Variants in SDK1 observed in about 807,000 individuals in gnomAD.
SDK1 encodes protein sidekick-1.
Under a neutral mutation model 245.5 loss-of-function variants are expected in SDK1, and 157 were observed. That is an observed-to-expected ratio of 0.64 (90% CI 0.56 to 0.73). SDK1 has a LOEUF of 0.73. SDK1 is among the 30% of genes least tolerant of loss of function. The pLI is 0.00. For missense variants in SDK1, 3,583 were observed against 3,002.3 expected (o/e 1.19, Z -4.52); for synonymous variants, 1,647 against 1,278.5 (o/e 1.29, Z -6.15).
intron 40 of SDK1, among the ~76,000 whole-genome samples, chr7:4,224,607 A>C (rs1351082830): frequency 6.6e-6 from 1 of 152,206 alleles, no homozygotes; most frequent in African/African-American, 2.4e-5. Flanking sequence ...TATCACCAGT[A>C]GAATTGGTTT....
intron 1 of SDK1, among the ~76,000 whole-genome samples, chr7:3,524,171 C>T (rs1483148056): frequency 6.6e-6 from 1 of 152,168 alleles, no homozygotes; most frequent in South Asian, 2.1e-4. Context: ...GAAGAAACAC[C>T]CGCATTAATT....
intron 1 of SDK1, among the ~76,000 whole-genome samples, chr7:3,441,666 A>G (rs1015571598): frequency 2.0e-5 from 3 of 152,176 alleles, no homozygotes; most frequent in Non-Finnish European, 4.4e-5. Flanking sequence ...TTTCCTTTTT[A>G]GAAACAGCTT....
At chr7:3,532,017 C>T (rs1175556765) in intron 1 of SDK1, among the ~76,000 whole-genome samples, 2 of 152,174 alleles carry the variant, frequency 1.3e-5, no homozygotes, top group African/African-American at 4.8e-5. Flanking sequence ...TTCCAGGTAA[C>T]TGAATCTTAA....
intron 1 of SDK1, among the ~76,000 whole-genome samples, chr7:3,469,179 T>C (rs534358477): frequency 2.0e-5 from 3 of 152,144 alleles, no homozygotes; most frequent in African/African-American, 7.2e-5. Context: ...TCCCAGCACC[T>C]TGGGAGGCCA....
chr7:4,193,058 ATATAT>A (rs1187355305), intron 35 of SDK1, among the ~76,000 whole-genome samples: 3 of 139,962 alleles, frequency 2.1e-5, no homozygotes. Context: ...AATATATAAT[ATATAT>A]TATAATATAT....
At chr7:4,139,527 G>GTGTGTATATA (rs1779358417) in intron 28 of SDK1, among the ~76,000 whole-genome samples, 1 of 5,592 alleles carries the variant, frequency 1.8e-4, no homozygotes. Context: ...GTGTGTGTAT[G>GTGTGTATATA]TGTGTGTGTA....
intron 4 of SDK1, among the ~76,000 whole-genome samples, chr7:3,770,131 G>C (rs1186576660): frequency 6.6e-6 from 1 of 152,012 alleles, no homozygotes; most frequent in Non-Finnish European, 1.5e-5. Context: ...GATCCTTGCG[G>C]TGATGGAACT....
intron 1 of SDK1, among the ~76,000 whole-genome samples, chr7:3,604,144 C>A (rs562357279): frequency 7.2e-5 from 11 of 152,230 alleles, no homozygotes; most frequent in African/African-American, 2.6e-4. Flanking sequence ...CTAAAATTCT[C>A]TTTTTTGGTT....
intron 1 of SDK1, among the ~76,000 whole-genome samples, chr7:3,514,621 G>A (rs1303429035): frequency 2.6e-5 from 4 of 152,156 alleles, no homozygotes; most frequent in Non-Finnish European, 5.9e-5. Flanking sequence ...CAGCATGCAC[G>A]AAGGAGGAGA....
At chr7:4,005,860 G>A (rs1345118061) in intron 14 of SDK1, among the ~76,000 whole-genome samples, 4 of 152,054 alleles carry the variant, frequency 2.6e-5, no homozygotes, top group African/African-American at 4.8e-5. Flanking sequence ...GCGAAATCCC[G>A]TCTCTACAAA....
chr7:3,347,273 A>C (rs558202794), intron 1 of SDK1, among the ~76,000 whole-genome samples: 3 of 150,116 alleles, frequency 2.0e-5, no homozygotes, highest in East Asian at 3.9e-4. Flanking sequence ...AACACTTGGC[A>C]CATATCTTCT....
At chr7:3,569,885 T>A (rs182871529) in intron 1 of SDK1, among the ~76,000 whole-genome samples, 1 of 152,238 alleles carries the variant, frequency 6.6e-6, no homozygotes, top group African/African-American at 2.4e-5. Flanking sequence ...ATGGTTAATG[T>A]GTCCACTTGG....
At chr7:3,316,288 C>A (rs533377744) in intron 1 of SDK1, among the ~76,000 whole-genome samples, 1 of 152,234 alleles carries the variant, frequency 6.6e-6, no homozygotes, top group South Asian at 2.1e-4. Flanking sequence ...TACCTTGTCT[C>A]AGTTCAGATT....
intron 4 of SDK1, among the ~76,000 whole-genome samples, chr7:3,740,668 T>C (rs549699984): frequency 1.1e-4 from 16 of 152,316 alleles, no homozygotes; most frequent in Non-Finnish European, 2.1e-4. Flanking sequence ...CCTGTGGAAC[T>C]AGTGGAAGGG....
intron 14 of SDK1, among the ~76,000 whole-genome samples, chr7:3,987,904 G>A (rs6956208): frequency 0.25 from 38,427 of 151,788 alleles, 4,982 homozygotes; most frequent in African/African-American, 0.28. Flanking sequence ...CGTGTGCCCC[G>A]CCGTGTGCAC....
At chr7:4,063,977 T>A (rs1779711149) in intron 19 of SDK1, among the ~76,000 whole-genome samples, 1 of 152,054 alleles carries the variant, frequency 6.6e-6, no homozygotes, top group African/African-American at 2.4e-5. Context: ...ATAAAACTAC[T>A]AAAATAAAAC....
rs76501808 is a variant in SDK1, at chr7:4,113,612, G to C, written c.3585+173G>C. Among the ~76,000 whole-genome samples, 685 of 152,310 alleles carry C rather than the reference G, an allele frequency of 4.5e-3. 3 individuals carry two copies. Among genetic ancestry groups the C allele is most frequent in the African/African-American group, 0.016 (669 of 41,556 alleles). On this transcript the variant is annotated intron_variant, in intron 24 of 44. Transcript: ENST00000404826. ...ACAATTAGTGTTGGATCTCAGGCCA[G>C]CCCAGGAGATCTGATTAATTAGTAG... is the stretch of plus-strand genomic sequence containing the variant.
intron 1 of SDK1, among the ~76,000 whole-genome samples, chr7:3,549,169 G>C (rs766646073): frequency 2.6e-5 from 4 of 152,216 alleles, no homozygotes; most frequent in African/African-American, 4.8e-5. Context: ...TATCTTTCAT[G>C]CAAACAGTTC....
intron 13 of SDK1, among the ~76,000 whole-genome samples, chr7:3,975,132 C>T (rs1013196743): frequency 6.6e-6 from 1 of 152,236 alleles, no homozygotes; most frequent in African/African-American, 2.4e-5. Flanking sequence ...TCCCCCGTCT[C>T]TGCTCTCTTT....
Sources: allele counts gnomAD v4.1 joint callset (sites outside exome capture counted in the v4.1 genomes callset), GRCh38; gene constraint gnomAD v4.1.1; transcripts MANE v1.5; gene names NCBI Gene and HGNC (gene_info 2026-07-23, HGNC 2026-07-21).